SATL1: variants seen among roughly 807,000 people sequenced by gnomAD.
The protein encoded by SATL1 is spermidine/spermine N(1)-acetyltransferase-like protein 1.
Under a neutral mutation model 51.8 loss-of-function variants are expected in SATL1, and 47 were observed. The ratio of observed to expected loss-of-function variants is 0.91; its 90% confidence interval spans 0.72 to 1.16. The LOEUF is 1.16. SATL1 is among the 50% of genes most tolerant of loss of function. SATL1 has a pLI of 0.00. For missense variants in SATL1, 520 were observed against 526.4 expected (o/e 0.99, Z 0.12); for synonymous variants, 176 against 182.4 (o/e 0.97, Z 0.28).
intron 2 of SATL1, among the ~76,000 whole-genome samples, chrX:85,151,731 T>G (rs1204301251): frequency 9.0e-6 from 1 of 111,551 alleles, no homozygotes; most frequent in East Asian, 2.8e-4. Context: ...ATTCCCTATT[T>G]AATAAATGGT....
At chrX:85,235,543 A>G (rs1928463002) in intron 1 of SATL1, among the ~76,000 whole-genome samples, 1 of 111,724 alleles carries the variant, frequency 9.0e-6, no homozygotes, top group African/African-American at 3.2e-5. Context: ...AATTTTGGAA[A>G]CTATACAAAC....
At chrX:85,171,858 A>G (rs942891577) in intron 2 of SATL1, among the ~76,000 whole-genome samples, 2 of 111,674 alleles carry the variant, frequency 1.8e-5, no homozygotes, top group Non-Finnish European at 3.8e-5. Context: ...TATGAGCATT[A>G]ATGTCTAGAT....
chrX:85,144,322 G>A (rs1926179950), intron 2 of SATL1, among the ~76,000 whole-genome samples: 1 of 111,559 alleles, frequency 9.0e-6, no homozygotes, highest in Non-Finnish European at 1.9e-5. Context: ...GAATCAGTGT[G>A]TCATATTTTA....
At chrX:85,242,091 T>C (rs969047373) in intron 1 of SATL1, among the ~76,000 whole-genome samples, 76 of 111,858 alleles carry the variant, frequency 6.8e-4, no homozygotes, top group African/African-American at 2.3e-3. Flanking sequence ...CTCAGGATAT[T>C]TTCATTGACT....
intron 2 of SATL1, among the ~76,000 whole-genome samples, chrX:85,198,924 C>T (rs974379344): frequency 8.2e-5 from 9 of 109,115 alleles, no homozygotes; most frequent in East Asian, 2.9e-4. Flanking sequence ...CTGCAACCTC[C>T]GCCTCCCTGG....
At chrX:85,175,975 T>G (rs1010749292) in intron 2 of SATL1, among the ~76,000 whole-genome samples, 25 of 111,527 alleles carry the variant, frequency 2.2e-4, no homozygotes, top group African/African-American at 7.8e-4. Context: ...AGAGCAAAGA[T>G]GGAGATTACA....
chrX:85,222,352 T>C (rs1266424863), intron 2 of SATL1, among the ~76,000 whole-genome samples: 1 of 111,932 alleles, frequency 8.9e-6, no homozygotes, highest in Non-Finnish European at 1.9e-5. Flanking sequence ...AACTATTATC[T>C]GCTATAGCCT....
At chrX:85,150,899 C>T (rs1926412194) in intron 2 of SATL1, among the ~76,000 whole-genome samples, 1 of 110,497 alleles carries the variant, frequency 9.1e-6, no homozygotes, top group Admixed American at 9.8e-5. Context: ...CCTTTGAAAA[C>T]TGGCACAAGA....
At chrX:85,102,222 A>C (rs1924913942) in intron 4 of SATL1, among the ~76,000 whole-genome samples, 1 of 106,864 alleles carries the variant, frequency 9.4e-6, no homozygotes, top group Non-Finnish European at 1.9e-5. Flanking sequence ...TCCTAATGCT[A>C]TCCTTCCCCC....
chrX:85,147,359 T>A (rs1474314126), intron 2 of SATL1, among the ~76,000 whole-genome samples: 1 of 112,526 alleles, frequency 8.9e-6, no homozygotes, highest in Admixed American at 9.3e-5. Context: ...CAAGGAGGCC[T>A]GCCTGACTCT....
intron 1 of SATL1, among the ~76,000 whole-genome samples, chrX:85,225,302 T>C (rs1928256589): frequency 1.8e-5 from 2 of 111,856 alleles, no homozygotes; most frequent in African/African-American, 6.5e-5. Context: ...CATGGGTGAA[T>C]TGTGTCAATG....
At chrX:85,172,291 A>C (rs955688427) in intron 2 of SATL1, among the ~76,000 whole-genome samples, 49 of 111,649 alleles carry the variant, frequency 4.4e-4, no homozygotes, top group African/African-American at 1.5e-3. Context: ...AAAAATGTTT[A>C]TTGAGTATCT....
In SATL1 at chrX:85,108,334, T is replaced by G; in HGVS notation, c.635A>C (p.Asp212Ala). Residue 212 changes from aspartate (D) to alanine (A), a missense_variant, in exon 3 of 8, where the codon GAC (aspartate) becomes GCC (alanine). This residue lies in a region of SATL1 where 488 missense variants were observed against 474.3 expected (regional missense o/e 1.03). Coordinates refer to ENST00000644105, the MANE Select transcript of SATL1 (RefSeq NM_001367857.2). ...GISQQVPSHP[D>A]MSQPGMSQQV... is the part of the protein sequence containing the mutation. ...CTGGCTCATGCCTGGTTGACTCATG[T>G]CTGGGTGGCTTGGGACTTGCTGGCT... 1.7e-6 allele frequency: 2 copies of G among 1,210,950 alleles called. No homozygotes were observed. The highest frequency in any genetic ancestry group is 1.1e-6 in the Non-Finnish European group (1 of 895,287).
chrX:85,173,169 C>T (rs1023100340), intron 2 of SATL1, among the ~76,000 whole-genome samples: 2 of 111,058 alleles, frequency 1.8e-5, no homozygotes. Flanking sequence ...GCAGGAGCCT[C>T]TTCTGTGAAA....
At chrX:85,128,128 G>A (rs1386298654) in intron 2 of SATL1, among the ~76,000 whole-genome samples, 1 of 111,740 alleles carries the variant, frequency 8.9e-6, no homozygotes, top group Non-Finnish European at 1.9e-5. Context: ...TGTCTTTATA[G>A]TAGCATGATT....
chrX:85,093,156 A>G (rs1355063136), intron 7 of SATL1, 29 bp downstream of exon 7: 1 of 1,127,171 alleles, frequency 8.9e-7, no homozygotes, highest in Non-Finnish European at 1.2e-6. Context: ...GTTAATGTAT[A>G]GAATATCAAT....
chrX:85,122,707 A>G (rs988366695), intron 2 of SATL1, among the ~76,000 whole-genome samples: 6 of 111,962 alleles, frequency 5.4e-5, no homozygotes, highest in Non-Finnish European at 9.4e-5. Flanking sequence ...GGTTTGTTAC[A>G]TGGGTAAGCT....
intron 4 of SATL1, among the ~76,000 whole-genome samples, chrX:85,099,285 A>G (rs989027243): frequency 3.6e-5 from 4 of 111,569 alleles, no homozygotes; most frequent in African/African-American, 1.3e-4. Context: ...AAAAAAAGGA[A>G]GGAACCAAAT....
chrX:85,160,397 A>G (rs1282453787), intron 2 of SATL1, among the ~76,000 whole-genome samples: 1 of 111,069 alleles, frequency 9.0e-6, no homozygotes, highest in Admixed American at 9.6e-5. Context: ...ATCAAGGTGC[A>G]GCAGTAAATT....
Sources: allele counts gnomAD v4.1 joint callset (sites outside exome capture counted in the v4.1 genomes callset), GRCh38; gene constraint gnomAD v4.1.1; regional missense constraint gnomAD v4.1.1; transcripts MANE v1.5; gene names NCBI Gene and HGNC (gene_info 2026-07-23, HGNC 2026-07-21).